FXYD6: variants seen among roughly 807,000 people sequenced by gnomAD.
The protein encoded by FXYD6 is FXYD domain-containing ion transport regulator 6.
In FXYD6, 7 loss-of-function variants were observed where a neutral mutation model predicts 16.7. That is an observed-to-expected ratio of 0.42 (90% CI 0.24 to 0.79). FXYD6 has a LOEUF of 0.79. Among genes scored for constraint, FXYD6 ranks in the 30% least tolerant of loss-of-function variants. The pLI, the probability that FXYD6 is intolerant of heterozygous loss-of-function variation, is 0.28. For synonymous variants in FXYD6, 49 were observed against 43.0 expected, an observed-to-expected ratio of 1.14 and a Z score of -0.54; for missense variants, 111 against 116.2, an observed-to-expected ratio of 0.95 and a Z score of 0.21.
chr11:117,837,855 G>A lies in FXYD6; in HGVS notation c.*444C>T, dbSNP rs1409964927. 2 of 300,734 alleles carry A rather than the reference G, an allele frequency of 6.7e-6. No individual in the cohort carries two copies. The highest frequency in any genetic ancestry group is 1.3e-5 in the Non-Finnish European group (2 of 157,168). The allele number at this position is 300,734 out of a possible 1,614,324, so 18.6% of individuals were successfully genotyped here. ...TACGCATCCCTAAATCAGGGGAGGG[G>A]GCTGGTCTCGGGCAACAAGCAGCCT... On this transcript the variant is annotated 3_prime_UTR_variant, in exon 8 of 8. Coordinates refer to ENST00000526014, the MANE Select transcript of FXYD6 (RefSeq NM_022003.4). The surrounding 1 kb of genome is among the most constrained non-coding windows in gnomAD (Gnocchi z 4.4).
intron 1 of FXYD6, among the ~76,000 whole-genome samples, chr11:117,864,081 T>C (rs1248268127): frequency 6.6e-6 from 1 of 152,148 alleles, no homozygotes; most frequent in Non-Finnish European, 1.5e-5. Flanking sequence ...CATGTTTTTG[T>C]AGAAATAAAA....
At chr11:117,873,157 C>T (rs779858982) in intron 1 of FXYD6, among the ~76,000 whole-genome samples, 3 of 152,154 alleles carry the variant, frequency 2.0e-5, no homozygotes, top group Non-Finnish European at 4.4e-5. Flanking sequence ...TTCTAGGGCA[C>T]CTTCTGCCAC....
rs1026684079 is a variant in FXYD6, at chr11:117,862,372, G to A, written c.-6+14220C>T. Among the ~76,000 whole-genome samples, 5 of 152,258 alleles carry A rather than the reference G, an allele frequency of 3.3e-5. No individual in the cohort carries two copies. The East Asian group carries it at 7.7e-4, about 24-fold the overall frequency. ...CCTAGGTGCCTCCACCATGCCCTGC[G>A]TGCCCCACTCACACAGATGCACCTA... On this transcript the variant is annotated intron_variant, in intron 1 of 7. Coordinates refer to ENST00000526014, the MANE Select transcript of FXYD6 (RefSeq NM_022003.4).
At chr11:117,874,899 G>A (rs1357358384) in intron 1 of FXYD6, among the ~76,000 whole-genome samples, 1 of 152,124 alleles carries the variant, frequency 6.6e-6, no homozygotes, top group African/African-American at 2.4e-5. Context: ...TTAGGGAAGG[G>A]GCTCCTCTTT....
chr11:117,859,163 G>C (rs540040521), intron 1 of FXYD6, among the ~76,000 whole-genome samples: 2 of 152,306 alleles, frequency 1.3e-5, no homozygotes, highest in East Asian at 3.9e-4. Context: ...CTGCCTCCTA[G>C]ACACTGTGCA....
chr11:117,853,728 A>G (rs2056660116), intron 1 of FXYD6, among the ~76,000 whole-genome samples: 1 of 152,136 alleles, frequency 6.6e-6, no homozygotes. Context: ...CCTGACCTCA[A>G]GTGATCCTTC....
At chr11:117,842,118 C>A in intron 2 of FXYD6, 90 bp from the exon 3 acceptor site, 1 of 1,588,778 alleles carries the variant, frequency 6.3e-7, no homozygotes, top group South Asian at 1.1e-5. Flanking sequence ...TCAGTCTCCA[C>A]AAAGGAATTC....
chr11:117,841,238 G>A (rs1233001460), intron 4 of FXYD6, 54 bp from the exon 5 acceptor site: 3 of 1,612,982 alleles, frequency 1.9e-6, no homozygotes, highest in Non-Finnish European at 2.5e-6. Context: ...CCACAGCAGG[G>A]CCAAGGGTCT....
At chr11:117,866,807 T>A (rs1248107400) in intron 1 of FXYD6, among the ~76,000 whole-genome samples, 6 of 152,234 alleles carry the variant, frequency 3.9e-5, no homozygotes, top group Admixed American at 3.9e-4. Flanking sequence ...CCACTGGAGC[T>A]CAGCTCAGGG....
At chr11:117,842,415 G>A (rs1565312597) in intron 2 of FXYD6, among the ~76,000 whole-genome samples, 1 of 152,198 alleles carries the variant, frequency 6.6e-6, no homozygotes, top group Non-Finnish European at 1.5e-5. Flanking sequence ...AGAGACTGAT[G>A]TGCAGGTCTG....
Position 117,863,213 on chromosome 11 carries a change from T to A in FXYD6, c.-6+13379A>T, listed in dbSNP as rs2056946423. ...GCACCTTCCACTCTTTCTTGCTGCC[T>A]CCCTGGCACATGTGGAAATGGGCAG... On this transcript the variant is annotated intron_variant, in intron 1 of 7. Transcript: ENST00000526014. 1.3e-5 allele frequency among the ~76,000 whole-genome samples: 2 copies of A among 152,090 alleles called. 1 individual carries two copies. The highest frequency in any genetic ancestry group is 4.1e-4 in the South Asian group (2 of 4,830).
chr11:117,856,371 A>T (rs1391396678), intron 1 of FXYD6, among the ~76,000 whole-genome samples: 1 of 152,156 alleles, frequency 6.6e-6, no homozygotes, highest in Non-Finnish European at 1.5e-5. Flanking sequence ...AAACTTCATT[A>T]TCTCATCCTC....
intron 1 of FXYD6, among the ~76,000 whole-genome samples, chr11:117,858,687 C>G (rs964423165): frequency 8.8e-5 from 8 of 90,416 alleles, no homozygotes; most frequent in African/African-American, 2.8e-4. Flanking sequence ...TTCTTTCTTT[C>G]TTTCTTTCTT....
rs1269626487 is a variant in FXYD6 at position 117,872,899 on chromosome 11, T to C, written c.-6+3693A>G. ...TCAGGGACGGTGTCAGAGCACTGTG[T>C]TCCCGACCGGCCCCTCTCGTTGCAA... On this transcript the variant is annotated intron_variant, in intron 1 of 7. Coordinates refer to ENST00000526014, the MANE Select transcript of FXYD6 (RefSeq NM_022003.4). This position sits in a 1 kb window ranked among gnomAD's most constrained non-coding sequence, Gnocchi z 4.9. Among the ~76,000 whole-genome samples, 4 of 152,186 alleles carry C rather than the reference T, an allele frequency of 2.6e-5. No individual in the cohort carries two copies. Among genetic ancestry groups the C allele is most frequent in the African/African-American group, 9.7e-5 (4 of 41,442 alleles).
intron 1 of FXYD6, chr11:117,843,676 T>A (rs1380112638): frequency 6.6e-6 from 1 of 152,160 alleles, no homozygotes; most frequent in Non-Finnish European, 1.5e-5. Context: ...AGTCCCCAAG[T>A]CAGCTCTTCC....
At chr11:117,867,963 A>C (rs919505533) in intron 1 of FXYD6, among the ~76,000 whole-genome samples, 1 of 152,148 alleles carries the variant, frequency 6.6e-6, no homozygotes, top group Non-Finnish European at 1.5e-5. Context: ...AATTTTGAGA[A>C]TCTCCCCCAC....
At chr11:117,839,901 C>T (rs781372158) in intron 6 of FXYD6, 71 bp from the exon 7 acceptor site, 28 of 1,594,850 alleles carry the variant, frequency 1.8e-5, no homozygotes, top group Non-Finnish European at 2.1e-5. Flanking sequence ...CAACAGCAGC[C>T]GTGTCTCTGC....
chr11:117,841,056 A>G, intron 5 of FXYD6, 92 bp downstream of exon 5: 2 of 1,533,838 alleles, frequency 1.3e-6, no homozygotes, highest in South Asian at 2.3e-5. Flanking sequence ...ACAAGAATCC[A>G]AGAGAATGCC....
intron 1 of FXYD6, among the ~76,000 whole-genome samples, chr11:117,849,361 C>T (rs185226484): frequency 6.6e-6 from 1 of 152,298 alleles, no homozygotes; most frequent in African/African-American, 2.4e-5. Context: ...AAAACATGGT[C>T]TGTATGATGT....
Sources: gnomAD v4.1 joint callset for allele counts (sites outside exome capture counted in the v4.1 genomes callset) on GRCh38, gnomAD v4.1.1 for gene constraint, Gnocchi (gnomAD v3.1) non-coding constraint, MANE v1.5 for transcripts, NCBI Gene and HGNC (gene_info 2026-07-23, HGNC 2026-07-21) for gene names.